The following AGBL3 variants were observed in gnomAD, a reference collection of about 807,000 sequenced individuals.
AGBL3 encodes cytosolic carboxypeptidase 3.
Under a neutral mutation model 94.5 loss-of-function variants are expected in AGBL3, and 68 were observed. The observed-to-expected ratio is 0.72, with a 90% CI of 0.59 to 0.88. AGBL3 has a LOEUF of 0.88. Ranked by LOEUF, AGBL3 falls within the 40% of genes least tolerant of loss-of-function variation. AGBL3 has a pLI of 0.00. For synonymous variants in AGBL3, 354 were observed against 370.7 expected (o/e 0.95, Z 0.52); for missense variants, 934 against 1,103.8 (o/e 0.85, Z 2.18).
intron 4 of AGBL3, among the ~76,000 whole-genome samples, chr7:134,999,419 A>C (rs1200330151): frequency 6.6e-6 from 1 of 152,104 alleles, no homozygotes; most frequent in Admixed American, 6.5e-5. Flanking sequence ...ATTTATTTGT[A>C]TTTTGTGCCT....
At chr7:135,023,747 C>T (rs539977424) in intron 5 of AGBL3, among the ~76,000 whole-genome samples, 88 of 152,356 alleles carry the variant, frequency 5.8e-4, no homozygotes, top group Non-Finnish European at 1.1e-3. Flanking sequence ...GTCTGTTCTT[C>T]AGGCCCTCCT....
At chr7:135,064,859 G>T (rs895769935) in intron 12 of AGBL3, among the ~76,000 whole-genome samples, 1 of 152,208 alleles carries the variant, frequency 6.6e-6, no homozygotes, top group Non-Finnish European at 1.5e-5. Flanking sequence ...AAATTTGTTG[G>T]ATTACTAAAT....
chr7:135,045,725 T>A, intron 10 of AGBL3, 74 bp from the exon 11 acceptor site: 1 of 1,335,100 alleles, frequency 7.5e-7, no homozygotes. Flanking sequence ...GTTCCAGGTG[T>A]CTATAAATAC....
chr7:135,032,762 A>G, intron 5 of AGBL3, 82 bp from the exon 6 acceptor site: 1 of 1,294,062 alleles, frequency 7.7e-7, no homozygotes, highest in Non-Finnish European at 1.0e-6. Context: ...TTACACTTGT[A>G]CTATTGCTCC....
At chr7:135,016,632 G>A (rs17168200) in intron 4 of AGBL3, among the ~76,000 whole-genome samples, 54,778 of 151,850 alleles carry the variant, frequency 0.36, 10,193 homozygotes, top group South Asian at 0.49. Context: ...TTCCTTTTGG[G>A]AGATAAACCT....
chr7:135,092,626 T>C (rs1230724160), intron 15 of AGBL3: 1 of 152,166 alleles, frequency 6.6e-6, no homozygotes, highest in Non-Finnish European at 1.5e-5. Flanking sequence ...AAATGCTACT[T>C]ATTGTGTTAT....
At position 135,034,603 on chromosome 7, in the gene AGBL3, T is replaced by C; in HGVS notation, c.1012T>C (p.Tyr338His). ...CCACACGCTTGCTAGGAACATGGTGTATATTTTAACAATCACTACCCCCTT... is the reference window on the plus strand; with the variant it reads ...CCACACGCTTGCTAGGAACATGGTGCATATTTTAACAATCACTACCCCCTT... Reference protein sequence around the residue: ...LCHTLARNMVYILTITTPLKN... With the variant: ...LCHTLARNMVHILTITTPLKN... The change falls in exon 7 of 17, where the codon TAT becomes CAT. Residue 338 changes from tyrosine (Y) to histidine (H), a missense_variant. Transcript: ENST00000436302. 6.4e-7 allele frequency: 1 copy of C among 1,551,748 alleles called. No homozygotes were observed. The highest frequency in any genetic ancestry group is 2.4e-5 in the East Asian group (1 of 40,926).
chr7:135,064,932 T>C (rs1376710037), intron 12 of AGBL3, among the ~76,000 whole-genome samples: 1 of 152,142 alleles, frequency 6.6e-6, no homozygotes, highest in Non-Finnish European at 1.5e-5. Flanking sequence ...GATGATGTCA[T>C]TAAGATCCTG....
At chr7:135,114,417 T>G (rs1244927227) in intron 15 of AGBL3, among the ~76,000 whole-genome samples, 1 of 152,204 alleles carries the variant, frequency 6.6e-6, no homozygotes, top group Non-Finnish European at 1.5e-5. Flanking sequence ...AGATAAACAT[T>G]TTTTAAAATG....
At chr7:135,132,427 T>C (rs1424215232) in intron 16 of AGBL3, among the ~76,000 whole-genome samples, 1 of 152,190 alleles carries the variant, frequency 6.6e-6, no homozygotes, top group Non-Finnish European at 1.5e-5. Context: ...AAGATCCTAT[T>C]AATTGGCACA....
At position 135,034,573 on chromosome 7, in the gene AGBL3, T is replaced by C; in HGVS notation, c.982T>C (p.Leu328=). Residue 328 remains leucine, a synonymous_variant, in exon 7 of 17, where the codon TTG becomes CTG. Transcript: ENST00000436302. ...GTCAAAGTTTTGTAAAATACGTGTT[T>C]TGTGCCACACGCTTGCTAGGAACAT... ...VRSKFCKIRV[L]CHTLARNMVY... 1 of 1,551,830 alleles carries C rather than the reference T, an allele frequency of 6.4e-7. No individual in the cohort carries two copies. Among genetic ancestry groups the C allele is most frequent in the East Asian group, 2.4e-5 (1 of 40,928 alleles).
intron 15 of AGBL3, among the ~76,000 whole-genome samples, chr7:135,096,563 AGATAGATAGATAGATAGATACATAGAT>A (rs373315361): frequency 0.16 from 14,147 of 90,066 alleles, 1,123 homozygotes; most frequent in South Asian, 0.36. Flanking sequence ...AAAGAAAGAT[AGATAGATAGATAGATAGATACATAGAT>A]AGATAGATAG....
At chr7:135,129,006 C>G in intron 16 of AGBL3, 2 of 1,601,560 alleles carry the variant, frequency 1.2e-6, no homozygotes, top group Non-Finnish European at 1.7e-6. Context: ...CAAAGACTGT[C>G]TGAAGGACTA....
At chr7:135,101,389 A>C in intron 15 of AGBL3, 1 of 370,416 alleles carries the variant, frequency 2.7e-6, no homozygotes, top group Non-Finnish European at 5.4e-6. Context: ...CTTTTGTAAA[A>C]GGATGAGATT....
intron 15 of AGBL3, among the ~76,000 whole-genome samples, chr7:135,090,621 A>G (rs533281443): frequency 6.6e-6 from 1 of 152,206 alleles, no homozygotes; most frequent in East Asian, 1.9e-4. Context: ...GTACTGGGGT[A>G]CGTGACCACT....
At chr7:135,090,905 G>A (rs985885458) in intron 15 of AGBL3, among the ~76,000 whole-genome samples, 3 of 152,108 alleles carry the variant, frequency 2.0e-5, no homozygotes, top group Non-Finnish European at 4.4e-5. Flanking sequence ...ACTCACCCCT[G>A]GTGCAAGACA....
chr7:135,116,569 G>A (rs1215317676), intron 16 of AGBL3, among the ~76,000 whole-genome samples: 1 of 152,088 alleles, frequency 6.6e-6, no homozygotes, highest in Non-Finnish European at 1.5e-5. Flanking sequence ...TGGAAATCTC[G>A]GCTCCCCATT....
chr7:135,082,767 G>A (rs113715055), intron 15 of AGBL3, among the ~76,000 whole-genome samples: 9 of 151,776 alleles, frequency 5.9e-5, no homozygotes, highest in African/African-American at 1.2e-4. Flanking sequence ...TCTTAGGTTC[G>A]GCCTTTCATG....
intron 15 of AGBL3, among the ~76,000 whole-genome samples, chr7:135,106,366 A>G (rs1824723128): frequency 6.6e-6 from 1 of 151,260 alleles, no homozygotes; most frequent in Non-Finnish European, 1.5e-5. Context: ...TGGGCATGTC[A>G]TAGATATTTT....
Sources: allele counts gnomAD v4.1 joint callset (sites outside exome capture counted in the v4.1 genomes callset), GRCh38; gene constraint gnomAD v4.1.1; transcripts MANE v1.5; gene names NCBI Gene and HGNC (gene_info 2026-07-23, HGNC 2026-07-21).